PDCD5: variants seen among roughly 807,000 people sequenced by gnomAD.
PDCD5 encodes programmed cell death protein 5.
PDCD5 carries 23 observed loss-of-function variants against 21.9 expected under a neutral mutation model. The ratio of observed to expected loss-of-function variants is 1.05; its 90% CI spans 0.76 to 1.49. The LOEUF is 1.49. Among genes scored for constraint, PDCD5 ranks in the 40% most tolerant of loss-of-function variants. PDCD5 has a pLI of 0.00. For synonymous variants in PDCD5, 45 were observed against 49.4 expected (o/e 0.91, Z 0.37); for missense variants, 152 against 147.7 (o/e 1.03, Z -0.15).
At chr19:32,584,412 T>C (rs1461313402) in intron 2 of PDCD5, among the ~76,000 whole-genome samples, 1 of 152,150 alleles carries the variant, frequency 6.6e-6, no homozygotes, top group African/African-American at 2.4e-5. Context: ...TTTGGGTAGG[T>C]AGGAAGAAGT....
rs904264428 is a variant in PDCD5, at chr19:32,586,567, C to T, written c.259-291C>T. On this transcript the variant is annotated intron_variant, in intron 4 of 5. Coordinates refer to ENST00000590247, the MANE Select transcript of PDCD5 (RefSeq NM_004708.4). ...CACCGTGGTATATGTGGTTGTCACA[C>T]TCAGCTAGTGATGATAAAGGTGTTC... is the stretch of plus-strand genomic sequence containing the variant. 9.6e-6 allele frequency: 11 copies of T among 1,145,694 alleles called. No homozygotes were observed. The East Asian group carries it at 3.2e-4, about 33-fold the overall frequency. 71.0% of individuals were successfully genotyped at this position (1,145,694 alleles called of 1,614,324 possible). A position where few individuals can be genotyped will look rare whatever the true frequency, so the allele number is the denominator to read the frequency against.
rs1971462237 is a variant in PDCD5, at chr19:32,584,964, G to A, written c.119G>A (p.Arg40Lys). The part of the protein sequence containing the change: ...QEAKHREAEM[R>K]NSILAQVLDQ... ...TTTCGTTGTAGGGAAGCAGAAATGA[G>A]AAACAGTATCTTAGCCCAAGTTCTG... is the stretch of plus-strand genomic sequence containing the variant. The change falls in exon 3 of 6, where the codon AGA becomes AAA. Residue 40 changes from arginine (R) to lysine (K), a missense_variant. Arg to Lys is a conservative substitution (Grantham distance 26). Coordinates refer to ENST00000590247, the MANE Select transcript of PDCD5 (RefSeq NM_004708.4). 1 of 1,613,716 alleles carries A rather than the reference G, an allele frequency of 6.2e-7. No homozygotes were observed. The highest frequency in any genetic ancestry group is 1.7e-5 in the Admixed American group (1 of 60,006).
intron 2 of PDCD5, among the ~76,000 whole-genome samples, chr19:32,582,604 C>G (rs573427082): frequency 3.9e-5 from 6 of 152,146 alleles, no homozygotes; most frequent in Non-Finnish European, 7.3e-5. Flanking sequence ...CCCAACACAG[C>G]GCACAGCACC....
intron 2 of PDCD5, 169 bp from the exon 3 acceptor site, chr19:32,584,781 G>A: frequency 1.6e-6 from 1 of 626,758 alleles, no homozygotes; most frequent in Non-Finnish European, 2.9e-6. Flanking sequence ...GGCAAAAGGG[G>A]ATTCTACTTG....
At position 32,585,872 on chromosome 19, in the gene PDCD5, A is replaced by G; in HGVS notation, c.223A>G (p.Ile75Val). The G allele has an allele frequency of 6.2e-7, 1 of 1,612,126 alleles. No homozygotes were observed. The highest frequency in any genetic ancestry group is 8.5e-7 in the Non-Finnish European group (1 of 1,178,138). ...EKTKAVENYL[I>V]QMARYGQLSE... ...AACTAAAGCAGTAGAGAATTACCTT[A>G]TACAGATGGCAAGATATGGACAACT... Residue 75 changes from isoleucine (I) to valine (V), a missense_variant, in exon 4 of 6, where the codon ATA becomes GTA. Coordinates refer to ENST00000590247, the MANE Select transcript of PDCD5 (RefSeq NM_004708.4).
At chr19:32,581,739 G>C (rs901479463) in intron 1 of PDCD5, 3 of 208,492 alleles carry the variant, frequency 1.4e-5, no homozygotes, top group African/African-American at 7.0e-5. Context: ...CTGAGAGCGC[G>C]GCAGGGTCGG....
chr19:32,585,549 T>C (rs1307590781), intron 3 of PDCD5, among the ~76,000 whole-genome samples: 1 of 152,228 alleles, frequency 6.6e-6, no homozygotes, highest in Non-Finnish European at 1.5e-5. Flanking sequence ...GGCAGTCATA[T>C]ATTTTAAGAA....
intron 1 of PDCD5, 100 bp downstream of exon 1, chr19:32,581,427 C>CG: frequency 1.4e-6 from 1 of 718,846 alleles, no homozygotes; most frequent in South Asian, 3.3e-5. Flanking sequence ...GGCGCCTCCC[C>CG]GGGGCCCCGG....
At chr19:32,585,260 G>A (rs1190936865) in intron 3 of PDCD5, among the ~76,000 whole-genome samples, 2 of 152,166 alleles carry the variant, frequency 1.3e-5, no homozygotes, top group East Asian at 3.8e-4. Flanking sequence ...ACAACTCATA[G>A]GGCCAATCAC....
intron 2 of PDCD5, among the ~76,000 whole-genome samples, chr19:32,583,561 A>G (rs1971449533): frequency 6.6e-6 from 1 of 151,316 alleles, no homozygotes; most frequent in Non-Finnish European, 1.5e-5. Context: ...CCAGTTTTGA[A>G]TGGAGATCTC....
intron 3 of PDCD5, 25 bp downstream of exon 3, chr19:32,585,036 A>G: frequency 1.1e-5 from 18 of 1,583,392 alleles, no homozygotes; most frequent in Non-Finnish European, 1.6e-5. Context: ...TTTCATTTCC[A>G]TAAAGTTAGC....
chr19:32,582,236 T>C lies in PDCD5; in HGVS notation c.104+4T>C. On this transcript the variant is annotated splice_donor_region_variant and intron_variant, in intron 2 of 5. Transcript: ENST00000590247. ...CCCAACAGGAAGCAAAGCACAGGTA[T>C]GGGCTGGAAACGTGAACTTTTTGAA... The C allele has an allele frequency of 6.2e-7, 1 of 1,611,866 alleles. No homozygotes were observed. Among genetic ancestry groups the C allele is most frequent in the East Asian group, 2.2e-5 (1 of 44,874 alleles).
At chr19:32,581,658 T>G (rs1971427411) in intron 1 of PDCD5, 2 of 249,480 alleles carry the variant, frequency 8.0e-6, no homozygotes, top group Admixed American at 1.1e-4. Context: ...CCGAATTCAG[T>G]TTTTCCGGAG....
rs563680287 is a variant in PDCD5 at position 32,583,737 on chromosome 19, G to T, written c.105-1213G>T. Among the ~76,000 whole-genome samples the T allele has an allele frequency of 1.2e-4, 19 of 152,200 alleles. No individual in the cohort carries two copies. The East Asian group carries it at 3.5e-3, about 28-fold the overall frequency. On this transcript the variant is annotated intron_variant, in intron 2 of 5. Coordinates refer to ENST00000590247, the MANE Select transcript of PDCD5 (RefSeq NM_004708.4). Reference sequence around the variant, plus strand: ...AGCTACTCAGGAGGCCGAGGGGGAAGAATCACTTGAGCACAGGAGCTTGAG... The same window carrying T: ...AGCTACTCAGGAGGCCGAGGGGGAATAATCACTTGAGCACAGGAGCTTGAG...
chr19:32,585,898 A>C lies in PDCD5; in HGVS notation c.249A>C (p.Leu83=). ...TACAGATGGCAAGATATGGACAACTAAGTGAGAAGGTAAGCTTAGACAGCC... is the reference window on the plus strand; with the variant it reads ...TACAGATGGCAAGATATGGACAACTCAGTGAGAAGGTAAGCTTAGACAGCC... ...YLIQMARYGQ[L]SEKVSEQGLI... Residue 83 remains leucine (L), a synonymous_variant, in exon 4 of 6, where the codon CTA becomes CTC. Coordinates refer to ENST00000590247, the MANE Select transcript of PDCD5 (RefSeq NM_004708.4). 1 of 1,612,078 alleles carries C rather than the reference A, an allele frequency of 6.2e-7. No homozygotes were observed.
At chr19:32,582,491 C>T (rs1241228331) in intron 2 of PDCD5, among the ~76,000 whole-genome samples, 1 of 152,180 alleles carries the variant, frequency 6.6e-6, no homozygotes, top group African/African-American at 2.4e-5. Flanking sequence ...TGATAATAGG[C>T]AGCTGTGGCA....
In PDCD5 at chr19:32,581,522, C is replaced by T. The variant is rs966511889; in HGVS notation, c.66+195C>T. ...CGTCGCGAGGGGCCCAGGAGGCTGG[C>T]GGCGGGGGCCGCCACGTGCGGGACC... On this transcript the variant is annotated intron_variant, in intron 1 of 5. Coordinates refer to ENST00000590247, the MANE Select transcript of PDCD5 (RefSeq NM_004708.4). The T allele has an allele frequency of 2.9e-5, 11 of 373,622 alleles. No individual in the cohort carries two copies. The South Asian group carries it at 6.2e-4, about 21-fold the overall frequency. The allele number at this position is 373,622 out of a possible 1,614,324, so 23.1% of individuals were successfully genotyped here. A position where few individuals can be genotyped will look rare whatever the true frequency, so the allele number is the denominator to read the frequency against.
chr19:32,587,195 A>G (rs1270526728), intron 5 of PDCD5, 58 bp from the exon 6 acceptor site: 17 of 1,328,272 alleles, frequency 1.3e-5, no homozygotes, highest in Middle Eastern at 1.8e-4. Context: ...CTTTTCTCGG[A>G]AAATCTGAGT....
At position 32,586,641 on chromosome 19, in the gene PDCD5, C is replaced by T. The variant is rs1207859768; in HGVS notation, c.259-217C>T. 2.4e-6 allele frequency: 3 copies of T among 1,271,138 alleles called. No homozygotes were observed. The South Asian group carries it at 7.3e-5, about 31-fold the overall frequency. 78.7% of individuals were successfully genotyped at this position (1,271,138 alleles called of 1,614,324 possible). ...TCCTGAGGAAGCAATTTTATGGATA[C>T]TTCCCCCTCCTTCTCAAGTGAGGAA... On this transcript the variant is annotated intron_variant, in intron 4 of 5. Transcript: ENST00000590247.
Sources: gnomAD v4.1 joint callset for allele counts (sites outside exome capture counted in the v4.1 genomes callset) on GRCh38, gnomAD v4.1.1 for gene constraint, MANE v1.5 for transcripts, NCBI Gene and HGNC (gene_info 2026-07-23, HGNC 2026-07-21) for gene names.